RALYL: variants seen among roughly 807,000 people sequenced by gnomAD.
The protein encoded by RALYL is RNA-binding Raly-like protein.
A neutral mutation model predicts 35.1 loss-of-function variants in RALYL; 29 were observed. The observed-to-expected ratio is 0.83, with a 90% CI of 0.61 to 1.13. The LOEUF is 1.13. Among genes scored for constraint, RALYL ranks in the 50% most tolerant of loss-of-function variants. The pLI is 0.00. For synonymous variants in RALYL, 120 were observed against 127.6 expected, an observed-to-expected ratio of 0.94 and a Z score of 0.40; for missense variants, 359 against 360.4, an observed-to-expected ratio of 1.00 and a Z score of 0.03.
intron 2 of RALYL, among the ~76,000 whole-genome samples, chr8:84,545,912 T>A (rs1043750127): frequency 6.6e-6 from 1 of 152,200 alleles, no homozygotes; most frequent in Non-Finnish European, 1.5e-5. Flanking sequence ...TGTTTTTCCT[T>A]GTCAAACTGT....
chr8:84,187,119 C>A (rs1812731322), intron 1 of RALYL, among the ~76,000 whole-genome samples: 1 of 152,074 alleles, frequency 6.6e-6, no homozygotes, highest in African/African-American at 2.4e-5. Context: ...ATAAGACCCA[C>A]AAATTAAATT....
chr8:84,697,513 TATC>T (rs1332786984), intron 2 of RALYL, among the ~76,000 whole-genome samples: 1 of 152,054 alleles, frequency 6.6e-6, no homozygotes, highest in Non-Finnish European at 1.5e-5. Context: ...GTGCAAATAT[TATC>T]ATTTCAGTGG....
At chr8:84,722,938 G>C (rs557214033) in intron 2 of RALYL, among the ~76,000 whole-genome samples, 48 of 151,726 alleles carry the variant, frequency 3.2e-4, no homozygotes, top group African/African-American at 1.2e-3. Flanking sequence ...CAGGTGTCAA[G>C]TTCACACACT....
chr8:84,596,462 G>T (rs192303284), intron 2 of RALYL, among the ~76,000 whole-genome samples: 68 of 152,258 alleles, frequency 4.5e-4, no homozygotes, highest in African/African-American at 1.3e-3. Context: ...AGGGTTAAGA[G>T]AAACCATCTT....
chr8:84,522,219 A>T (rs529886426), intron 1 of RALYL, among the ~76,000 whole-genome samples: 249 of 151,372 alleles, frequency 1.6e-3, no homozygotes, highest in African/African-American at 5.9e-3. Flanking sequence ...TATATCTTTA[A>T]TGCTTTATAC....
In RALYL at chr8:84,507,100, A is replaced by T. The variant is rs563978465; in HGVS notation, c.-23-22199A>T. On this transcript the variant is annotated intron_variant, in intron 1 of 8. Transcript: ENST00000521268. ...GACAATAGTAGAGTTTTTATTGTTC[A>T]CCACTGTTTCTACTCTGCACTTTTC... Among the ~76,000 whole-genome samples the T allele has an allele frequency of 2.3e-4, 35 of 152,128 alleles. 1 individual carries two copies. The South Asian group carries it at 7.1e-3, about 31-fold the overall frequency.
chr8:84,861,065 G>T (rs1838004136), intron 5 of RALYL, among the ~76,000 whole-genome samples: 1 of 151,400 alleles, frequency 6.6e-6, no homozygotes, highest in Non-Finnish European at 1.5e-5. Flanking sequence ...TATAGAACTT[G>T]TTTTTTTTAT....
chr8:84,596,369 G>T (rs1424758534), intron 2 of RALYL, among the ~76,000 whole-genome samples: 2 of 152,034 alleles, frequency 1.3e-5, no homozygotes, highest in Non-Finnish European at 2.9e-5. Flanking sequence ...CCTCTTCTGT[G>T]TCGCAAAGAC....
intron 1 of RALYL, among the ~76,000 whole-genome samples, chr8:84,292,545 G>A (rs1026645008): frequency 6.6e-6 from 1 of 152,092 alleles, no homozygotes; most frequent in African/African-American, 2.4e-5. Context: ...GATGAGATAG[G>A]AGGTCAACAC....
At chr8:84,449,078 G>GTTTTT (rs1554671924) in intron 1 of RALYL, among the ~76,000 whole-genome samples, 38 of 124,266 alleles carry the variant, frequency 3.1e-4, no homozygotes, top group African/African-American at 1.0e-3. Flanking sequence ...TAGTTTTTTT[G>GTTTTT]TTTTTTTTTT....
At chr8:84,670,420 G>A (rs1200288241) in intron 2 of RALYL, among the ~76,000 whole-genome samples, 1 of 152,018 alleles carries the variant, frequency 6.6e-6, no homozygotes, top group Non-Finnish European at 1.5e-5. Flanking sequence ...CCCAAACAAA[G>A]TGATGATTAT....
At chr8:84,191,269 G>C (rs1813812812) in intron 1 of RALYL, among the ~76,000 whole-genome samples, 1 of 151,638 alleles carries the variant, frequency 6.6e-6, no homozygotes. Flanking sequence ...CCTGAAACTA[G>C]CTAAATTGAT....
At chr8:84,240,276 A>G (rs1445314505) in intron 1 of RALYL, among the ~76,000 whole-genome samples, 1 of 152,232 alleles carries the variant, frequency 6.6e-6, no homozygotes, top group African/African-American at 2.4e-5. Context: ...AATGTTTTCT[A>G]GAAAATTGTT....
intron 7 of RALYL, among the ~76,000 whole-genome samples, chr8:84,876,033 T>C (rs985982147): frequency 3.3e-5 from 5 of 152,176 alleles, no homozygotes; most frequent in Admixed American, 3.3e-4. Context: ...ATAGTATCTT[T>C]TTTTTGGAAG....
At chr8:84,501,065 T>C (rs376480552) in intron 1 of RALYL, among the ~76,000 whole-genome samples, 1 of 152,162 alleles carries the variant, frequency 6.6e-6, no homozygotes. Context: ...TCATCATCTA[T>C]GGCGCCATTT....
At chr8:84,817,558 A>G (rs946090422) in intron 4 of RALYL, among the ~76,000 whole-genome samples, 2 of 150,036 alleles carry the variant, frequency 1.3e-5, no homozygotes, top group Non-Finnish European at 3.0e-5. Flanking sequence ...TATTATTATT[A>G]TTATTAATTT....
intron 1 of RALYL, among the ~76,000 whole-genome samples, chr8:84,442,354 C>T (rs1304124519): frequency 1.3e-5 from 2 of 152,040 alleles, no homozygotes; most frequent in African/African-American, 4.8e-5. Context: ...TAATTAAATG[C>T]TTCCAATTTA....
In RALYL at chr8:84,362,986, AAC is replaced by A. The variant is rs57010933; in HGVS notation, c.-23-166299_-23-166298del. ...GAAAGGGGGAGATTGAAGGATCAGA[AAC>A]ACACACACACACATACACACATGAA... On this transcript the variant is annotated intron_variant, in intron 1 of 8. Transcript: ENST00000521268. 1.2e-4 allele frequency among the ~76,000 whole-genome samples: 18 copies of A among 151,716 alleles called. No individual in the cohort carries two copies. The East Asian group carries it at 3.5e-3, about 29-fold the overall frequency.
In RALYL at chr8:84,652,013, G is replaced by T. The variant is rs531515558; in HGVS notation, c.256+122436G>T. ...GAATCCTCACATTTTTATTTGACATGAAAATTGAACATATTATTAAATCCA... is the reference window on the plus strand; with the variant it reads ...GAATCCTCACATTTTTATTTGACATTAAAATTGAACATATTATTAAATCCA... On this transcript the variant is annotated intron_variant, in intron 2 of 8. Coordinates refer to ENST00000521268, the MANE Select transcript of RALYL (RefSeq NM_173848.7). Among the ~76,000 whole-genome samples the T allele has an allele frequency of 3.3e-5, 5 of 152,012 alleles. No individual in the cohort carries two copies. The South Asian group carries it at 6.2e-4, about 19-fold the overall frequency.
Sources: gnomAD v4.1 joint callset for allele counts (sites outside exome capture counted in the v4.1 genomes callset) on GRCh38, gnomAD v4.1.1 for gene constraint, MANE v1.5 for transcripts, NCBI Gene and HGNC (gene_info 2026-07-23, HGNC 2026-07-21) for gene names.